DOCK11: variants seen among roughly 807,000 people sequenced by gnomAD.
DOCK11 encodes dedicator of cytokinesis 11.
A neutral mutation model predicts 169.1 loss-of-function variants in DOCK11; 70 were observed. The ratio of observed to expected loss-of-function variants is 0.41; its 90% CI spans 0.34 to 0.51. DOCK11 has a LOEUF of 0.51. Ranked by LOEUF, DOCK11 falls within the 20% of genes least tolerant of loss-of-function variation. DOCK11 has a pLI of 0.10. For synonymous variants in DOCK11, 529 were observed against 541.3 expected (o/e 0.98, Z 0.32); for missense variants, 1,166 against 1,538.8 (o/e 0.76, Z 4.05).
At chrX:118,568,731 A>C (rs976123120) in intron 10 of DOCK11, among the ~76,000 whole-genome samples, 6 of 110,069 alleles carry the variant, frequency 5.5e-5, no homozygotes, top group Admixed American at 9.8e-5. Context: ...TGAGAGTTAG[A>C]TGTGTTTTGT....
At chrX:118,510,822 A>G (rs906588903) in intron 1 of DOCK11, among the ~76,000 whole-genome samples, 2 of 111,998 alleles carry the variant, frequency 1.8e-5, no homozygotes, top group Non-Finnish European at 3.8e-5. Flanking sequence ...ATGGCTTTCT[A>G]AAACACATGA....
rs1603129330 is a variant in DOCK11 at position 118,624,475 on chromosome X, A to G, written c.3472-64A>G. 6 of 715,321 alleles carry G rather than the reference A, an allele frequency of 8.4e-6. No individual in the cohort carries two copies. In the East Asian group the frequency reaches 2.0e-4, roughly 24 times the overall value. The allele number at this position is 715,321 out of a possible 1,213,427, so 59.0% of individuals were successfully genotyped here. A position where few individuals can be genotyped will look rare whatever the true frequency, so the allele number is the denominator to read the frequency against. ...GTCTTTAAATTGATATATGAAGCCAACTCCATTTATTTGTAATATATACAT... is the reference window on the plus strand; with the variant it reads ...GTCTTTAAATTGATATATGAAGCCAGCTCCATTTATTTGTAATATATACAT... On this transcript the variant is annotated intron_variant, in intron 31 of 52. Transcript: ENST00000276202.
At position 118,630,473 on chromosome X, in the gene DOCK11, T is replaced by G; in HGVS notation, c.3869T>G (p.Val1290Gly). 8.4e-7 allele frequency: 1 copy of G among 1,195,424 alleles called. No homozygotes were observed. The part of the protein sequence containing the change: ...RSLLMCYLYI[V>G]KMISEDTLLT... ...CTCCTGATGTGCTACCTGTATATAG[T>G]AAAAATGATTTCAGAAGGTGAGTTA... is the stretch of plus-strand genomic sequence containing the variant. The change falls in exon 35 of 53, where the codon GTA becomes GGA. Residue 1290 changes from valine (V) to glycine (G), a missense_variant. Transcript: ENST00000276202.
At chrX:118,550,937 G>A (rs905910371) in intron 6 of DOCK11, among the ~76,000 whole-genome samples, 1 of 111,489 alleles carries the variant, frequency 9.0e-6, no homozygotes, top group Non-Finnish European at 1.9e-5. Context: ...AAGCAAATGG[G>A]AAGATGACTC....
At chrX:118,610,062 A>G (rs760980683) in intron 27 of DOCK11, among the ~76,000 whole-genome samples, 1 of 112,089 alleles carries the variant, frequency 8.9e-6, no homozygotes, top group Non-Finnish European at 1.9e-5. Context: ...TGATAACCTC[A>G]GTCAGGTAGA....
chrX:118,604,051 G>T (rs1603109253), intron 23 of DOCK11, among the ~76,000 whole-genome samples: 2 of 111,889 alleles, frequency 1.8e-5, no homozygotes, highest in Admixed American at 9.5e-5. Flanking sequence ...GAGGGTCTGT[G>T]TGTGCGTCGT....
intron 4 of DOCK11, among the ~76,000 whole-genome samples, chrX:118,544,641 G>A (rs1245695045): frequency 1.8e-5 from 1 of 56,907 alleles, no homozygotes; most frequent in African/African-American, 6.4e-5. Context: ...GAATTACACT[G>A]TTGCTTTTTT....
At chrX:118,519,414 G>A in intron 1 of DOCK11, among the ~76,000 whole-genome samples, 1 of 112,044 alleles carries the variant, frequency 8.9e-6, no homozygotes, top group South Asian at 3.7e-4. Flanking sequence ...GCCAGGCGTG[G>A]TGGCACACAC....
At chrX:118,565,393 C>T (rs748311454) in intron 7 of DOCK11, among the ~76,000 whole-genome samples, 3 of 111,998 alleles carry the variant, frequency 2.7e-5, no homozygotes, top group Non-Finnish European at 5.6e-5. Flanking sequence ...GTGTTAGGAA[C>T]ATTCCAAATC....
chrX:118,680,813 A>T, intron 49 of DOCK11, 121 bp downstream of exon 49: 1 of 663,221 alleles, frequency 1.5e-6, no homozygotes, highest in East Asian at 3.5e-5. Context: ...TCTGCTGTTC[A>T]GTTACAAGTT....
intron 11 of DOCK11, 25 bp from the exon 12 acceptor site, chrX:118,573,781 A>G (rs749095511): frequency 3.3e-5 from 39 of 1,176,360 alleles, no homozygotes; most frequent in Non-Finnish European, 3.9e-5. Flanking sequence ...TCTCAGTTTT[A>G]AAATGTAACT....
chrX:118,599,077 G>A (rs1365581610), intron 22 of DOCK11, 62 bp from the exon 23 acceptor site: 1 of 924,676 alleles, frequency 1.1e-6, no homozygotes, highest in Non-Finnish European at 1.6e-6. Flanking sequence ...GGGAGAGGTA[G>A]AGAGCTTGCA....
intron 41 of DOCK11, 91 bp from the exon 42 acceptor site, chrX:118,651,873 C>A: frequency 1.8e-6 from 1 of 564,062 alleles, no homozygotes; most frequent in Non-Finnish European, 2.9e-6. Flanking sequence ...AGAAGCATTT[C>A]ATGTGAGTGC....
chrX:118,551,516 T>C (rs1017287779), intron 6 of DOCK11, among the ~76,000 whole-genome samples: 3 of 111,376 alleles, frequency 2.7e-5, no homozygotes, highest in Non-Finnish European at 5.7e-5. Context: ...CTGGGCAACA[T>C]AGCGAGCCCT....
chrX:118,588,254 T>C lies in DOCK11; in HGVS notation c.1913T>C (p.Ile638Thr). 1 of 1,202,339 alleles carries C rather than the reference T, an allele frequency of 8.3e-7. No individual in the cohort carries two copies. The highest frequency in any genetic ancestry group is 1.1e-6 in the Non-Finnish European group (1 of 890,828). ...ACAAAATATTGTTATCCATTTACTATTTACAAAAACCATCTGTATGTATAT... is the reference window on the plus strand; with the variant it reads ...ACAAAATATTGTTATCCATTTACTACTTACAAAAACCATCTGTATGTATAT... ...EMTKYCYPFTIYKNHLYVYPL... is the reference protein window; with the variant it reads ...EMTKYCYPFTTYKNHLYVYPL... Residue 638 changes from isoleucine (I) to threonine (T), a missense_variant, in exon 17 of 53, where the codon ATT becomes ACT. Transcript: ENST00000276202.
intron 11 of DOCK11, 105 bp from the exon 12 acceptor site, chrX:118,573,701 A>G (rs2013352723): frequency 4.9e-6 from 3 of 606,704 alleles, no homozygotes; most frequent in Non-Finnish European, 7.9e-6. Flanking sequence ...AGGAATTGTA[A>G]TCACAGAAAC....
intron 28 of DOCK11, among the ~76,000 whole-genome samples, chrX:118,611,100 A>C (rs757049361): frequency 8.9e-6 from 1 of 112,150 alleles, no homozygotes; most frequent in Non-Finnish European, 1.9e-5. Flanking sequence ...TATATATACA[A>C]GATAAAGGTG....
chrX:118,573,876 A>G lies in DOCK11; in HGVS notation c.1247A>G (p.His416Arg), dbSNP rs765617567. The change falls in exon 12 of 53, where the codon CAT (histidine) becomes CGT (arginine). Residue 416 changes from histidine to arginine, a missense_variant. Physicochemically the swap from His to Arg is conservative, Grantham distance 29. Coordinates refer to ENST00000276202, the MANE Select transcript of DOCK11 (RefSeq NM_144658.4). ...AATTGTAAGATTTCAGCAGACTTTC[A>G]TGTAGACCTGAATCCCCCATCTGTC... is the stretch of plus-strand genomic sequence containing the variant. ...KNNCKISADF[H>R]VDLNPPSVRE... The G allele has an allele frequency of 7.4e-6, 9 of 1,209,538 alleles. No individual in the cohort carries two copies. Among genetic ancestry groups the G allele is most frequent in the South Asian group, 1.8e-5 (1 of 56,767 alleles).
At chrX:118,566,752 G>T in intron 9 of DOCK11, 99 bp downstream of exon 9, 1 of 770,690 alleles carries the variant, frequency 1.3e-6, no homozygotes, top group Non-Finnish European at 1.8e-6. Flanking sequence ...TCATTTCCAC[G>T]TTAAAAACCA....
Sources: gnomAD v4.1 joint callset for allele counts (sites outside exome capture counted in the v4.1 genomes callset) on GRCh38, gnomAD v4.1.1 for gene constraint, MANE v1.5 for transcripts, NCBI Gene and HGNC (gene_info 2026-07-23, HGNC 2026-07-21) for gene names.